CFAP54: variants seen among roughly 807,000 people sequenced by gnomAD.
CFAP54 encodes cilia and flagella associated protein 54.
Under a neutral mutation model 370.4 loss-of-function variants are expected in CFAP54, and 290 were observed. The ratio of observed to expected loss-of-function variants is 0.78; its 90% CI spans 0.71 to 0.86. The LOEUF (loss-of-function observed/expected upper bound fraction) is 0.86. Among genes scored for constraint, CFAP54 ranks in the 40% least tolerant of loss-of-function variants. The pLI is 0.00. For synonymous variants in CFAP54, 1,206 were observed against 1,236.5 expected (o/e 0.98, Z 0.52); for missense variants, 3,399 against 3,528.7 (o/e 0.96, Z 0.93).
rs1185866504 is a variant in CFAP54 at position 96,567,936 on chromosome 12, T to TA, written c.2619+3174dup. Among the ~76,000 whole-genome samples, 3 of 152,154 alleles carry TA rather than the reference T, an allele frequency of 2.0e-5. No individual in the cohort carries two copies. The East Asian group carries it at 5.8e-4, about 29-fold the overall frequency. ...ATGATCAATCCCTAGGGTACTCTCT[T>TA]AAACAATGATGTTATGGCTCAAACA... On this transcript the variant is annotated intron_variant, in intron 19 of 67. Transcript: ENST00000524981.
intron 33 of CFAP54, among the ~76,000 whole-genome samples, chr12:96,647,494 A>AAAAAAAAAAAC (rs1956809342): frequency 6.7e-6 from 1 of 149,374 alleles, no homozygotes; most frequent in South Asian, 2.1e-4. Flanking sequence ...AAAAAAAAAA[A>AAAAAAAAAAAC]AAGAAATGCC....
At chr12:96,740,151 A>G in intron 51 of CFAP54, 90 bp downstream of exon 51, 1 of 735,864 alleles carries the variant, frequency 1.4e-6, no homozygotes, top group African/African-American at 1.8e-5. Flanking sequence ...TAGATGAAGC[A>G]AAGGAGTAAA....
chr12:96,751,114 T>A (rs1203223241), intron 55 of CFAP54, among the ~76,000 whole-genome samples: 1 of 152,242 alleles, frequency 6.6e-6, no homozygotes, highest in Non-Finnish European at 1.5e-5. Flanking sequence ...AATCTTTTTT[T>A]AATTAATGAC....
intron 2 of CFAP54, among the ~76,000 whole-genome samples, chr12:96,503,494 C>G (rs1375515962): frequency 7.7e-6 from 1 of 130,314 alleles, no homozygotes; most frequent in African/African-American, 2.9e-5. Flanking sequence ...TTTTCTTTTT[C>G]GAGCCTATGA....
At chr12:96,664,689 G>GTATATATATATATATATATATATA (rs1274516967) in intron 39 of CFAP54, among the ~76,000 whole-genome samples, 1 of 26,298 alleles carries the variant, frequency 3.8e-5, no homozygotes, top group African/African-American at 2.0e-4. Flanking sequence ...ATTCCTTTGG[G>GTATATATATATATATATATATATA]TATATATCTA....
chr12:96,726,953 C>T (rs1316755553), intron 50 of CFAP54, among the ~76,000 whole-genome samples: 1 of 152,180 alleles, frequency 6.6e-6, no homozygotes, highest in Non-Finnish European at 1.5e-5. Flanking sequence ...CATTCAGGAG[C>T]ACGTTGTTCA....
chr12:96,656,640 C>G (rs541441337), intron 36 of CFAP54, among the ~76,000 whole-genome samples: 2 of 152,202 alleles, frequency 1.3e-5, no homozygotes, highest in South Asian at 4.1e-4. Flanking sequence ...CTCGGCCTCC[C>G]GAAATGCTGG....
At chr12:96,624,070 G>A (rs1452983146) in intron 28 of CFAP54, among the ~76,000 whole-genome samples, 189 bp downstream of exon 28, 1 of 152,138 alleles carries the variant, frequency 6.6e-6, no homozygotes, top group Non-Finnish European at 1.5e-5. Flanking sequence ...TACAGATGTG[G>A]CTCATAAAGA....
chr12:96,550,123 A>G (rs1955679577), intron 15 of CFAP54, among the ~76,000 whole-genome samples: 2 of 152,224 alleles, frequency 1.3e-5, no homozygotes, highest in Non-Finnish European at 2.9e-5. Context: ...CTAAAAGATT[A>G]TTAGTAAAGC....
chr12:96,524,506 G>A (rs1955353336), intron 8 of CFAP54, among the ~76,000 whole-genome samples: 1 of 152,156 alleles, frequency 6.6e-6, no homozygotes, highest in Non-Finnish European at 1.5e-5. Flanking sequence ...GTGGTTTCAA[G>A]TATAGTGGAA....
intron 48 of CFAP54, among the ~76,000 whole-genome samples, chr12:96,716,662 C>T (rs1196236374): frequency 6.6e-6 from 1 of 152,150 alleles, no homozygotes; most frequent in Non-Finnish European, 1.5e-5. Context: ...ACTCAGGTAC[C>T]CAAGTGCTGC....
chr12:96,855,165 G>A (rs1411285795), intron 66 of CFAP54, among the ~76,000 whole-genome samples: 1 of 152,094 alleles, frequency 6.6e-6, no homozygotes, highest in East Asian at 1.9e-4. Flanking sequence ...ACAGTATGAT[G>A]GTAACTGCCC....
intron 22 of CFAP54, among the ~76,000 whole-genome samples, chr12:96,581,495 AC>A (rs894630822): frequency 3.9e-5 from 6 of 152,078 alleles, no homozygotes; most frequent in African/African-American, 1.4e-4. Context: ...GAGGGGTGCT[AC>A]TGGCATCTAG....
chr12:96,694,863 G>T (rs1306647209), intron 45 of CFAP54, among the ~76,000 whole-genome samples: 1 of 151,720 alleles, frequency 6.6e-6, no homozygotes, highest in African/African-American at 2.4e-5. Context: ...CTCTACTAAA[G>T]ATAAAAAATT....
intron 32 of CFAP54, among the ~76,000 whole-genome samples, chr12:96,641,520 C>T (rs1428349143): frequency 2.6e-5 from 4 of 151,956 alleles, no homozygotes; most frequent in Non-Finnish European, 4.4e-5. Flanking sequence ...GTCAGTGTGG[C>T]GATTCCTCAG....
At position 96,521,977 on chromosome 12, in the gene CFAP54, A is replaced by C. The variant is rs1041292863; in HGVS notation, c.1056+7A>C. 5.4e-5 allele frequency: 83 copies of C among 1,530,442 alleles called. No individual in the cohort carries two copies. In the Admixed American group the frequency reaches 1.6e-3, roughly 29 times the overall value. The allele number at this position is 1,530,442 out of a possible 1,614,324, so 94.8% of individuals were successfully genotyped here. A position where few individuals can be genotyped will look rare whatever the true frequency, so the allele number is the denominator to read the frequency against. The stretch of plus-strand genomic sequence containing the variant: ...TCGAGAGGCCACAATGAAGGTATAA[A>C]AATTTCATGAAATAAAAGAAATTTA... On this transcript the variant is annotated splice_region_variant and intron_variant, in intron 7 of 67. Coordinates refer to ENST00000524981, the MANE Select transcript of CFAP54 (RefSeq NM_001306084.2).
intron 61 of CFAP54, among the ~76,000 whole-genome samples, chr12:96,786,200 C>CTT (rs35563047): frequency 1.2e-4 from 16 of 137,698 alleles, no homozygotes; most frequent in East Asian, 2.1e-4. Context: ...TTTTTTTAAT[C>CTT]TTTTTTTTTT....
At chr12:96,545,406 A>C (rs1031224038) in intron 14 of CFAP54, among the ~76,000 whole-genome samples, 3 of 152,234 alleles carry the variant, frequency 2.0e-5, no homozygotes, top group Non-Finnish European at 4.4e-5. Flanking sequence ...TAAATAAAAA[A>C]GATACAAAAC....
At position 96,551,148 on chromosome 12, in the gene CFAP54, G is replaced by A. The variant is rs543142263; in HGVS notation, c.2155-3034G>A. 3.2e-4 allele frequency among the ~76,000 whole-genome samples: 47 copies of A among 145,172 alleles called. 1 individual carries two copies. The highest frequency in any genetic ancestry group is 1.2e-3 in the African/African-American group (46 of 38,560). Reference sequence around the variant, plus strand: ...TAGCTGGGTGTGATGACATGTGCCTGTAGTCCTAGCTACTTGGGAGGATCG... The same window carrying A: ...TAGCTGGGTGTGATGACATGTGCCTATAGTCCTAGCTACTTGGGAGGATCG... On this transcript the variant is annotated intron_variant, in intron 15 of 67. Coordinates refer to ENST00000524981, the MANE Select transcript of CFAP54 (RefSeq NM_001306084.2).
Sources: gnomAD v4.1 joint callset for allele counts (sites outside exome capture counted in the v4.1 genomes callset) on GRCh38, gnomAD v4.1.1 for gene constraint, MANE v1.5 for transcripts, NCBI Gene and HGNC (gene_info 2026-07-23, HGNC 2026-07-21) for gene names.